The following CTNNA3 variants were observed in gnomAD, a reference collection of about 807,000 sequenced individuals.
CTNNA3 encodes catenin alpha-3.
In CTNNA3, 76 loss-of-function variants were observed where a neutral mutation model predicts 95.7. The observed-to-expected ratio is 0.79, with a 90% CI of 0.66 to 0.96. The LOEUF (loss-of-function observed/expected upper bound fraction) is 0.96. Ranked by LOEUF, CTNNA3 falls within the 40% of genes least tolerant of loss-of-function variation. CTNNA3 has a pLI of 0.00. For synonymous variants in CTNNA3, 431 were observed against 374.4 expected (o/e 1.15, Z -1.74); for missense variants, 1,191 against 1,089.8 (o/e 1.09, Z -1.31).
rs140524765 is a variant in CTNNA3, at chr10:66,484,687, A to G, written c.1531+35930T>C. 5.9e-3 allele frequency among the ~76,000 whole-genome samples: 902 copies of G among 152,124 alleles called. 11 individuals are homozygous for G. The highest frequency in any genetic ancestry group is 0.021 in the African/African-American group (859 of 41,530). ...GCAACTCCTTTAAATCAGTAACCGA[A>G]AACCTCCCAAAAAAGAAAAGCTAAG... On this transcript the variant is annotated intron_variant, in intron 11 of 17. Coordinates refer to ENST00000433211, the MANE Select transcript of CTNNA3 (RefSeq NM_013266.4).
At chr10:67,284,961 C>T (rs544069905) in intron 5 of CTNNA3, among the ~76,000 whole-genome samples, 1 of 152,228 alleles carries the variant, frequency 6.6e-6, no homozygotes, top group South Asian at 2.1e-4. Context: ...GGCACCTATG[C>T]CCAGGGGTAA....
chr10:66,926,377 T>G, intron 7 of CTNNA3: 1 of 617,618 alleles, frequency 1.6e-6, no homozygotes, highest in Non-Finnish European at 2.9e-6. Context: ...GCGAATGCGG[T>G]GTTGGGATTT....
intron 11 of CTNNA3, among the ~76,000 whole-genome samples, chr10:66,409,444 T>C (rs1232133546): frequency 6.6e-6 from 1 of 152,150 alleles, no homozygotes; most frequent in Non-Finnish European, 1.5e-5. Context: ...GAGATGAACT[T>C]GGGAATCTTC....
chr10:66,604,079 T>C (rs1290029086), intron 10 of CTNNA3, among the ~76,000 whole-genome samples: 1 of 151,844 alleles, frequency 6.6e-6, no homozygotes, highest in Admixed American at 6.6e-5. Context: ...AATAGACCAA[T>C]GGGATCATAT....
chr10:66,180,085 G>A (rs2085959172), intron 13 of CTNNA3, among the ~76,000 whole-genome samples: 1 of 152,268 alleles, frequency 6.6e-6, no homozygotes. Context: ...ATGGCTGTAT[G>A]CTGCCAATTA....
At chr10:67,187,187 G>A (rs1862892766) in intron 6 of CTNNA3, among the ~76,000 whole-genome samples, 1 of 152,072 alleles carries the variant, frequency 6.6e-6, no homozygotes, top group Non-Finnish European at 1.5e-5. Flanking sequence ...TCTACTTCCA[G>A]TTCCATGCTA....
At chr10:67,170,854 C>A (rs748053341) in intron 7 of CTNNA3, among the ~76,000 whole-genome samples, 4 of 152,174 alleles carry the variant, frequency 2.6e-5, no homozygotes, top group Non-Finnish European at 5.9e-5. Flanking sequence ...CCACTGGCCA[C>A]ATGTCGCTAT....
intron 11 of CTNNA3, among the ~76,000 whole-genome samples, chr10:66,381,776 T>C (rs769226479): frequency 3.9e-5 from 6 of 152,208 alleles, no homozygotes; most frequent in Non-Finnish European, 8.8e-5. Flanking sequence ...CAGTTATGAA[T>C]GTATCATTAA....
chr10:66,538,976 C>CT (rs1479790395), intron 10 of CTNNA3, among the ~76,000 whole-genome samples: 6 of 152,116 alleles, frequency 3.9e-5, no homozygotes, highest in Non-Finnish European at 8.8e-5. Flanking sequence ...CTTACCTAAC[C>CT]TGTAGAACTT....
chr10:67,099,769 G>C (rs1858230522), intron 7 of CTNNA3: 1 of 151,842 alleles, frequency 6.6e-6, no homozygotes, highest in Non-Finnish European at 1.5e-5. Flanking sequence ...TAAATTATTT[G>C]CTCTTCAAAA....
chr10:66,989,204 C>G (rs1269556850), intron 7 of CTNNA3, among the ~76,000 whole-genome samples: 2 of 152,174 alleles, frequency 1.3e-5, no homozygotes, highest in African/African-American at 4.8e-5. Context: ...CCTCTTCTTT[C>G]TCCAATTGAC....
At chr10:67,485,138 T>TA (rs1022434976) in intron 5 of CTNNA3, among the ~76,000 whole-genome samples, 3 of 152,144 alleles carry the variant, frequency 2.0e-5, no homozygotes, top group East Asian at 1.9e-4. Context: ...TATGCAGCCA[T>TA]AAAAAAGATT....
At position 65,997,301 on chromosome 10, in the gene CTNNA3, C is replaced by A. The variant is rs140234805; in HGVS notation, c.2160-8504G>T. Among the ~76,000 whole-genome samples, 862 of 152,176 alleles carry A rather than the reference C, an allele frequency of 5.7e-3. 5 individuals carry two copies. Among genetic ancestry groups the A allele is most frequent in the African/African-American group, 0.019 (809 of 41,508 alleles). On this transcript the variant is annotated intron_variant, in intron 15 of 17. Coordinates refer to ENST00000433211, the MANE Select transcript of CTNNA3 (RefSeq NM_013266.4). ...GAAAAAAATGAATTAGGCCTGAGGA[C>A]AATTAATAAGAAGTACTGAAATGAC... is the stretch of plus-strand genomic sequence containing the variant.
At chr10:66,824,066 A>C (rs1842405848) in intron 7 of CTNNA3, among the ~76,000 whole-genome samples, 1 of 149,132 alleles carries the variant, frequency 6.7e-6, no homozygotes, top group Non-Finnish European at 1.5e-5. Flanking sequence ...TTTCCTAGAG[A>C]GTGGGCCAGA....
chr10:66,428,219 T>C (rs2093260522), intron 11 of CTNNA3, among the ~76,000 whole-genome samples: 3 of 152,170 alleles, frequency 2.0e-5, no homozygotes, highest in South Asian at 2.1e-4. Flanking sequence ...TAAATATATA[T>C]GCACCATATA....
intron 12 of CTNNA3, among the ~76,000 whole-genome samples, chr10:66,370,021 TG>T (rs2092742256): frequency 6.6e-6 from 1 of 152,076 alleles, no homozygotes; most frequent in Non-Finnish European, 1.5e-5. Flanking sequence ...TAAGTTCTGC[TG>T]CCTGCACCAA....
chr10:67,370,666 A>G (rs1843392558), intron 5 of CTNNA3, among the ~76,000 whole-genome samples: 1 of 152,176 alleles, frequency 6.6e-6, no homozygotes, highest in Non-Finnish European at 1.5e-5. Context: ...TATCAAAGGC[A>G]TAATAACTCA....
At chr10:67,418,644 G>A (rs943099800) in intron 5 of CTNNA3, among the ~76,000 whole-genome samples, 1 of 152,098 alleles carries the variant, frequency 6.6e-6, no homozygotes, top group Admixed American at 6.6e-5. Context: ...TCTAAAAAAA[G>A]TTGAACTCAC....
At chr10:67,535,561 A>G (rs181202064) in intron 4 of CTNNA3, among the ~76,000 whole-genome samples, 1 of 152,246 alleles carries the variant, frequency 6.6e-6, no homozygotes, top group African/African-American at 2.4e-5. Flanking sequence ...ATCAATATGA[A>G]CCAACAACAT....
Sources: gnomAD v4.1 joint callset for allele counts (sites outside exome capture counted in the v4.1 genomes callset) on GRCh38, gnomAD v4.1.1 for gene constraint, MANE v1.5 for transcripts, NCBI Gene and HGNC (gene_info 2026-07-23, HGNC 2026-07-21) for gene names.